CMSS1: variants seen among roughly 807,000 people sequenced by gnomAD.
CMSS1 encodes the protein cms1 ribosomal small subunit homolog.
A neutral mutation model predicts 43.5 loss-of-function variants in CMSS1; 33 were observed. The observed-to-expected ratio is 0.76, with a 90% CI of 0.57 to 1.01. CMSS1 has a LOEUF of 1.01. Among genes scored for constraint, CMSS1 ranks in the 50% least tolerant of loss-of-function variants. The probability of loss-of-function intolerance (pLI) is 0.00; values close to 1 mark genes in which losing one functional copy is unlikely to be tolerated. For synonymous variants in CMSS1, 115 were observed against 117.2 expected (o/e 0.98, Z 0.12); for missense variants, 313 against 326.4 (o/e 0.96, Z 0.32).
At chr3:100,091,051 C>T (rs1237465164) in intron 1 of CMSS1, among the ~76,000 whole-genome samples, 10 of 151,998 alleles carry the variant, frequency 6.6e-5, no homozygotes, top group African/African-American at 2.4e-4. Flanking sequence ...TTTGGGAGGC[C>T]GAGGTGGGCG....
intron 1 of CMSS1, among the ~76,000 whole-genome samples, chr3:100,099,684 A>G (rs945112244): frequency 2.6e-5 from 4 of 152,170 alleles, no homozygotes; most frequent in African/African-American, 9.7e-5. Flanking sequence ...TATTCATTCC[A>G]TAAATATTTA....
chr3:99,858,909 T>A (rs977288640), intron 1 of CMSS1, among the ~76,000 whole-genome samples: 1 of 152,242 alleles, frequency 6.6e-6, no homozygotes, highest in Non-Finnish European at 1.5e-5. Context: ...GTCAGCCTTT[T>A]GCTTCATCCT....
chr3:99,963,852 GTGATC>G (rs1186021030), intron 1 of CMSS1, among the ~76,000 whole-genome samples: 1 of 152,086 alleles, frequency 6.6e-6, no homozygotes, highest in Non-Finnish European at 1.5e-5. Context: ...TCCTCATCTT[GTGATC>G]TGCCTGCCTC....
rs71907944 is a variant in CMSS1 at position 100,062,093 on chromosome 3, C to CTTTTTTTTTT, written c.65-84853_65-84844dup. On this transcript the variant is annotated intron_variant, in intron 1 of 9. Coordinates refer to ENST00000421999, the MANE Select transcript of CMSS1 (RefSeq NM_032359.4). ...CCACTTGTGGTTATCCTGTCTTCTT[C>CTTTTTTTTTT]TTTTTTTTTTTTTTTTTTTTTTTTT... Among the ~76,000 whole-genome samples the CTTTTTTTTTT allele has an allele frequency of 1.9e-3, 100 of 53,176 alleles. 28 individuals carry two copies. The highest frequency in any genetic ancestry group is 4.8e-3 in the African/African-American group (54 of 11,242). 34.9% of individuals were successfully genotyped at this position (53,176 alleles called of 152,430 possible). A position where few individuals can be genotyped will look rare whatever the true frequency, so the allele number is the denominator to read the frequency against.
intron 1 of CMSS1, among the ~76,000 whole-genome samples, chr3:99,837,952 T>A (rs7635633): frequency 0.047 from 7,093 of 152,296 alleles, 250 homozygotes; most frequent in South Asian, 0.075. Context: ...CACCTACTTA[T>A]AAGCTCAGAT....
chr3:99,953,679 T>C (rs1708242321), intron 1 of CMSS1, among the ~76,000 whole-genome samples: 2 of 152,238 alleles, frequency 1.3e-5, no homozygotes, highest in African/African-American at 4.8e-5. Context: ...TTTGAAACAC[T>C]GATTACTTGT....
chr3:99,824,721 G>T (rs1559646234), intron 1 of CMSS1, among the ~76,000 whole-genome samples: 1 of 152,174 alleles, frequency 6.6e-6, no homozygotes, highest in Non-Finnish European at 1.5e-5. Context: ...TTGTAAAACT[G>T]TGTCTAACAT....
chr3:100,087,404 G>A (rs2066028652), intron 1 of CMSS1, among the ~76,000 whole-genome samples: 1 of 152,036 alleles, frequency 6.6e-6, no homozygotes, highest in Admixed American at 6.6e-5. Flanking sequence ...TGGTTGACTG[G>A]GTTTTGTTTT....
At chr3:99,828,411 A>ATTTT (rs3037708) in intron 1 of CMSS1, among the ~76,000 whole-genome samples, 14,799 of 139,428 alleles carry the variant, frequency 0.11, 929 homozygotes, top group Middle Eastern at 0.2. Flanking sequence ...ACATACGTGT[A>ATTTT]TTTTTTTTTT....
intron 2 of CMSS1, 33 bp from the exon 3 acceptor site, chr3:100,160,397 G>A (rs151318682): frequency 1.8e-6 from 2 of 1,132,858 alleles, no homozygotes; most frequent in African/African-American, 1.6e-5. Flanking sequence ...ATCATGAAAA[G>A]ATTAAAATGT....
rs6772519 is a variant in CMSS1 at position 99,831,477 on chromosome 3, C to T, written c.64+13434C>T. Among the ~76,000 whole-genome samples the T allele has an allele frequency of 4.6e-3, 694 of 152,104 alleles. 7 individuals carry two copies. The highest frequency in any genetic ancestry group is 0.016 in the African/African-American group (671 of 41,488). On this transcript the variant is annotated intron_variant, in intron 1 of 9. Coordinates refer to ENST00000421999, the MANE Select transcript of CMSS1 (RefSeq NM_032359.4). ...AGGAACACTAAATTGTTTTAAAAGA[C>T]GAAAAAGGAAGGAAACAACTTGGAG...
At chr3:100,146,648 T>C (rs2066852816) in intron 1 of CMSS1, among the ~76,000 whole-genome samples, 1 of 152,238 alleles carries the variant, frequency 6.6e-6, no homozygotes, top group Non-Finnish European at 1.5e-5. Flanking sequence ...ATTATCATCA[T>C]AAGACAGCCT....
chr3:100,176,165 T>C (rs977998988), intron 8 of CMSS1, 162 bp from the exon 9 acceptor site: 1 of 555,050 alleles, frequency 1.8e-6, no homozygotes, highest in Non-Finnish European at 3.2e-6. Context: ...AGTGCTGCAT[T>C]TGTTTTCCAT....
chr3:100,086,508 C>T (rs1398343248), intron 1 of CMSS1, among the ~76,000 whole-genome samples: 2 of 152,088 alleles, frequency 1.3e-5, no homozygotes, highest in African/African-American at 2.4e-5. Context: ...ACTTTTTTTA[C>T]AATTTGTTTT....
chr3:99,984,064 G>GTGTGTGTGTGTGTGTT (rs1485556007), intron 1 of CMSS1, among the ~76,000 whole-genome samples: 4 of 152,054 alleles, frequency 2.6e-5, no homozygotes, highest in South Asian at 2.1e-4. Context: ...GTGTGTTTGT[G>GTGTGTGTGTGTGTGTT]TGTGTGTGTG....
chr3:99,853,674 G>T (rs540182178), intron 1 of CMSS1, among the ~76,000 whole-genome samples: 1 of 152,278 alleles, frequency 6.6e-6, no homozygotes, highest in Admixed American at 6.5e-5. Flanking sequence ...TTGTAAATTA[G>T]TTGGCATCCC....
intron 1 of CMSS1, among the ~76,000 whole-genome samples, chr3:100,102,361 C>T (rs953600007): frequency 2.6e-5 from 4 of 151,996 alleles, no homozygotes; most frequent in Admixed American, 1.3e-4. Flanking sequence ...TTGCATTTCT[C>T]GGGTGTTAAG....
At chr3:99,994,913 A>C (rs375299221) in intron 1 of CMSS1, among the ~76,000 whole-genome samples, 1 of 152,256 alleles carries the variant, frequency 6.6e-6, no homozygotes, top group East Asian at 1.9e-4. Context: ...CCCTCCCACA[A>C]CACATGGGAA....
At chr3:100,072,596 CA>C (rs772555567) in intron 1 of CMSS1, among the ~76,000 whole-genome samples, 16 of 152,238 alleles carry the variant, frequency 1.1e-4, no homozygotes, top group South Asian at 2.1e-4. Flanking sequence ...CCGACCATCG[CA>C]CCCCACCTCC....
Sources: allele counts gnomAD v4.1 joint callset (sites outside exome capture counted in the v4.1 genomes callset), GRCh38; gene constraint gnomAD v4.1.1; transcripts MANE v1.5; gene names NCBI Gene and HGNC (gene_info 2026-07-23, HGNC 2026-07-21).